Variants in VWA8 observed in about 807,000 individuals in gnomAD.
VWA8 encodes the protein von Willebrand factor A domain-containing protein 8.
A neutral mutation model predicts 241.5 loss-of-function variants in VWA8; 221 were observed. The observed-to-expected ratio is 0.91, with a 90% CI of 0.82 to 1.02. The LOEUF (loss-of-function observed/expected upper bound fraction) is 1.02, where lower values mean the gene tolerates loss of function less well. VWA8 is among the 50% of genes least tolerant of loss of function. VWA8 has a pLI of 0.00. For missense variants in VWA8, 2,322 were observed against 2,328.7 expected, an observed-to-expected ratio of 1.00 and a Z score of 0.06; for synonymous variants, 852 against 827.1, an observed-to-expected ratio of 1.03 and a Z score of -0.52.
intron 39 of VWA8, among the ~76,000 whole-genome samples, chr13:41,610,963 G>C (rs970361493): frequency 1.3e-5 from 2 of 152,092 alleles, no homozygotes; most frequent in African/African-American, 4.8e-5. Flanking sequence ...CAAACTCACT[G>C]TCCCTCCTCC....
chr13:41,616,071 G>A (rs965760922), intron 37 of VWA8, among the ~76,000 whole-genome samples: 2 of 152,166 alleles, frequency 1.3e-5, no homozygotes, highest in Non-Finnish European at 2.9e-5. Flanking sequence ...TGCTTACAGT[G>A]GAACAAGAGA....
intron 37 of VWA8, among the ~76,000 whole-genome samples, chr13:41,669,434 A>AT (rs1352648349): frequency 2.6e-5 from 4 of 152,206 alleles, no homozygotes; most frequent in Non-Finnish European, 5.9e-5. Flanking sequence ...ACAAACAAAC[A>AT]TATTAATTGC....
chr13:41,784,705 T>TACATATACATATAC lies in VWA8; in HGVS notation c.2171-805_2171-804insGTATATGTATATGT, dbSNP rs773975684. The stretch of plus-strand genomic sequence containing the variant: ...TTATACATATACATATACATATATA[T>TACATATACATATAC]ATATATATATATATATATATATATA... On this transcript the variant is annotated intron_variant, in intron 18 of 44. Coordinates refer to ENST00000379310, the MANE Select transcript of VWA8 (RefSeq NM_015058.2). Among the ~76,000 whole-genome samples the TACATATACATATAC allele has an allele frequency of 9.2e-3, 722 of 78,832 alleles. 22 individuals are homozygous for TACATATACATATAC. The highest frequency in any genetic ancestry group is 0.026 in the Middle Eastern group (4 of 156). The allele number at this position is 78,832 out of a possible 152,430, so 51.7% of individuals were successfully genotyped here.
At chr13:41,637,587 AAAT>A (rs1186523619) in intron 37 of VWA8, among the ~76,000 whole-genome samples, 1 of 151,644 alleles carries the variant, frequency 6.6e-6, no homozygotes, top group Non-Finnish European at 1.5e-5. Context: ...AAAAAAAAAT[AAAT>A]AATAAAAAAA....
intron 17 of VWA8, among the ~76,000 whole-genome samples, chr13:41,789,699 C>T (rs1252501255): frequency 6.6e-6 from 1 of 152,056 alleles, no homozygotes; most frequent in Non-Finnish European, 1.5e-5. Flanking sequence ...TCGGGGTATT[C>T]TCACATCACC....
chr13:41,784,697 C>CATATATATATATATATATATATAT (rs59582293), intron 18 of VWA8, among the ~76,000 whole-genome samples: 1 of 57,016 alleles, frequency 1.8e-5, no homozygotes, highest in Non-Finnish European at 3.7e-5. Context: ...TATACATATA[C>CATATATATATATATATATATATAT]ATATATATAT....
Position 41,689,528 on chromosome 13 carries a change from G to A in VWA8, c.3977-20C>T, listed in dbSNP as rs377385096. 5.6e-5 allele frequency: 89 copies of A among 1,584,980 alleles called. No individual in the cohort carries two copies. The African/African-American group carries it at 9.4e-4, about 17-fold the overall frequency. Reference sequence around the variant, plus strand: ...CTGTTTCTGAAAAGTACAAACATTAGACACCATATGCTCCTGAAATGCTCC... The same window carrying A: ...CTGTTTCTGAAAAGTACAAACATTAAACACCATATGCTCCTGAAATGCTCC... On this transcript the variant is annotated intron_variant, in intron 33 of 44. Transcript: ENST00000379310.
At chr13:41,727,143 T>C (rs1381457303) in intron 24 of VWA8, 51 bp downstream of exon 24, 1 of 1,394,352 alleles carries the variant, frequency 7.2e-7, no homozygotes, top group East Asian at 2.6e-5. Flanking sequence ...GCAGTGTTAC[T>C]AATATTATTA....
chr13:41,892,858 A>G (rs1021334499), intron 4 of VWA8, among the ~76,000 whole-genome samples: 1 of 152,066 alleles, frequency 6.6e-6, no homozygotes. Context: ...TACCTCTCAG[A>G]TCACCTCCCA....
At chr13:41,807,054 A>G (rs1593785265) in intron 17 of VWA8, among the ~76,000 whole-genome samples, 1 of 152,196 alleles carries the variant, frequency 6.6e-6, no homozygotes, top group East Asian at 1.9e-4. Context: ...AGAAGCTACC[A>G]TGAGAAACTA....
intron 1 of VWA8, among the ~76,000 whole-genome samples, chr13:41,950,411 T>A (rs1467383790): frequency 6.6e-6 from 1 of 151,990 alleles, no homozygotes; most frequent in African/African-American, 2.4e-5. Flanking sequence ...CTCTGTCACC[T>A]GGGCTGGAGT....
intron 5 of VWA8, among the ~76,000 whole-genome samples, chr13:41,890,679 C>T (rs1874791406): frequency 6.6e-6 from 1 of 152,190 alleles, no homozygotes; most frequent in African/African-American, 2.4e-5. Flanking sequence ...ACAAAAATCC[C>T]TGCCCTTGTG....
At chr13:41,630,285 C>G (rs542092138) in intron 37 of VWA8, among the ~76,000 whole-genome samples, 2 of 152,116 alleles carry the variant, frequency 1.3e-5, no homozygotes, top group South Asian at 4.2e-4. Flanking sequence ...CCATCAGCCC[C>G]TCCTTGTTGA....
chr13:41,764,796 C>G (rs577214845), intron 20 of VWA8, among the ~76,000 whole-genome samples: 99 of 152,012 alleles, frequency 6.5e-4, no homozygotes, highest in Non-Finnish European at 1.3e-3. Flanking sequence ...TGGCTAAGCC[C>G]TGGAAACCAC....
At chr13:41,704,629 T>A (rs2045271392) in intron 26 of VWA8, among the ~76,000 whole-genome samples, 1 of 151,984 alleles carries the variant, frequency 6.6e-6, no homozygotes, top group South Asian at 2.1e-4. Context: ...GCCTGGCTAA[T>A]TTTTTTATTT....
At chr13:41,837,899 T>C (rs1304334358) in intron 12 of VWA8, among the ~76,000 whole-genome samples, 1 of 152,194 alleles carries the variant, frequency 6.6e-6, no homozygotes, top group Non-Finnish European at 1.5e-5. Flanking sequence ...TTCCTCTTTC[T>C]GCATTTCCTT....
intron 18 of VWA8, among the ~76,000 whole-genome samples, chr13:41,784,709 T>TATATATATATATAC (rs1869076123): frequency 3.3e-5 from 2 of 60,250 alleles, no homozygotes; most frequent in Non-Finnish European, 7.5e-5. Context: ...TATATATATA[T>TATATATATATATAC]ATATATATAT....
chr13:41,629,960 T>C (rs1458238001), intron 37 of VWA8, among the ~76,000 whole-genome samples: 2 of 152,244 alleles, frequency 1.3e-5, no homozygotes, highest in Non-Finnish European at 1.5e-5. Flanking sequence ...TGGTCACTCA[T>C]AGCTACAAAT....
chr13:41,838,580 T>G (rs1213001061), intron 12 of VWA8, among the ~76,000 whole-genome samples: 2 of 152,128 alleles, frequency 1.3e-5, no homozygotes, highest in East Asian at 1.9e-4. Flanking sequence ...TAAGTTGAGT[T>G]GCAAAAATAT....
Sources: gnomAD v4.1 joint callset for allele counts (sites outside exome capture counted in the v4.1 genomes callset) on GRCh38, gnomAD v4.1.1 for gene constraint, MANE v1.5 for transcripts, NCBI Gene and HGNC (gene_info 2026-07-23, HGNC 2026-07-21) for gene names.